ZNF98: variants seen among roughly 807,000 people sequenced by gnomAD.
ZNF98 encodes the protein zinc finger protein 98.
In ZNF98, 8 loss-of-function variants were observed where a neutral mutation model predicts 12.8. That is an observed-to-expected ratio of 0.63 (90% CI 0.37 to 1.13). The LOEUF (loss-of-function observed/expected upper bound fraction) is 1.13, where lower values mean the gene tolerates loss of function less well. ZNF98 is among the 50% of genes most tolerant of loss of function. ZNF98 has a pLI of 0.01. For missense variants in ZNF98, 379 were observed against 666.1 expected (o/e 0.57, Z 4.74); for synonymous variants, 112 against 223.5 (o/e 0.50, Z 4.45).
intron 1 of ZNF98, among the ~76,000 whole-genome samples, chr19:22,410,086 T>G (rs1969564785): frequency 6.6e-6 from 1 of 152,108 alleles, no homozygotes; most frequent in Middle Eastern, 3.2e-3. Context: ...TGGTAATTAT[T>G]AAAAAGTCAG....
chr19:22,421,150 C>T (rs77636093), intron 1 of ZNF98, among the ~76,000 whole-genome samples: 5,671 of 152,158 alleles, frequency 0.037, 362 homozygotes, highest in African/African-American at 0.13. Flanking sequence ...AAATTTAGGT[C>T]CTTCAAATGA....
chr19:22,418,596 T>G (rs1446091946), intron 1 of ZNF98, among the ~76,000 whole-genome samples: 1 of 152,204 alleles, frequency 6.6e-6, no homozygotes, highest in African/African-American at 2.4e-5. Flanking sequence ...AAAAATCAGC[T>G]GGCTGGGAGC....
At position 22,402,901 on chromosome 19, in the gene ZNF98, A is replaced by T; in HGVS notation, c.158-17T>A. Reference sequence around the variant, plus strand: ...CAGCAATACCTGTTTTATTACAAATAACATGAATCTTGCTCATATTCTCCA... The same window carrying T: ...CAGCAATACCTGTTTTATTACAAATTACATGAATCTTGCTCATATTCTCCA... On this transcript the variant is annotated splice_polypyrimidine_tract_variant and intron_variant, in intron 2 of 3. Transcript: ENST00000357774. The T allele has an allele frequency of 6.4e-7, 1 of 1,562,430 alleles. No individual in the cohort carries two copies. Among genetic ancestry groups the T allele is most frequent in the Middle Eastern group, 1.7e-4 (1 of 5,844 alleles).
At chr19:22,414,565 G>C (rs1969619103) in intron 1 of ZNF98, among the ~76,000 whole-genome samples, 1 of 152,034 alleles carries the variant, frequency 6.6e-6, no homozygotes, top group African/African-American at 2.4e-5. Flanking sequence ...CAACAGAATA[G>C]AGAGCCCATA....
At chr19:22,422,092 G>T in intron 1 of ZNF98, 103 bp downstream of exon 1, 1 of 1,425,718 alleles carries the variant, frequency 7.0e-7, no homozygotes, top group Non-Finnish European at 9.9e-7. Flanking sequence ...GGCACGGATT[G>T]TGGAGCTGAC....
intron 3 of ZNF98, among the ~76,000 whole-genome samples, chr19:22,396,400 A>C (rs1969394804): frequency 6.6e-6 from 1 of 152,188 alleles, no homozygotes; most frequent in Non-Finnish European, 1.5e-5. Flanking sequence ...AATATACAAA[A>C]GTGAATTAGA....
intron 3 of ZNF98, among the ~76,000 whole-genome samples, chr19:22,394,955 T>A (rs1162250458): frequency 6.6e-6 from 1 of 151,976 alleles, no homozygotes; most frequent in African/African-American, 2.4e-5. Flanking sequence ...GAGGATCAAC[T>A]GAGGTCCGGA....
At position 22,396,090 on chromosome 19, in the gene ZNF98, G is replaced by A. The variant is rs569920833; in HGVS notation, c.254-3109C>T. Among the ~76,000 whole-genome samples, 10 of 151,648 alleles carry A rather than the reference G, an allele frequency of 6.6e-5. No individual in the cohort carries two copies. In the South Asian group the frequency reaches 1.9e-3, roughly 28 times the overall value. On this transcript the variant is annotated intron_variant, in intron 3 of 3. Coordinates refer to ENST00000357774, the MANE Select transcript of ZNF98 (RefSeq NM_001098626.2). ...CATATAAAAATACATTATTTTCCAG[G>A]AAAGATATGCACATACATAAAAACA...
At chr19:22,399,076 CAATA>C (rs1969429283) in intron 3 of ZNF98, among the ~76,000 whole-genome samples, 1 of 152,032 alleles carries the variant, frequency 6.6e-6, no homozygotes, top group Admixed American at 6.6e-5. Flanking sequence ...CCAAAAAACA[CAATA>C]AACTTATGTT....
At chr19:22,416,666 C>A (rs11671470) in intron 1 of ZNF98, among the ~76,000 whole-genome samples, 1 of 151,332 alleles carries the variant, frequency 6.6e-6, no homozygotes, top group East Asian at 2.0e-4. Context: ...GCAGAAGAAT[C>A]GCTTGAACCC....
chr19:22,400,909 C>T (rs1424855516), intron 3 of ZNF98, among the ~76,000 whole-genome samples: 6 of 142,340 alleles, frequency 4.2e-5, no homozygotes, highest in South Asian at 2.2e-4. Context: ...GCCGAGGCCG[C>T]GCCACTGCAC....
chr19:22,403,175 C>T (rs1199330211), intron 2 of ZNF98, among the ~76,000 whole-genome samples: 1 of 148,838 alleles, frequency 6.7e-6, no homozygotes, highest in Non-Finnish European at 1.5e-5. Flanking sequence ...GAGTGAAGAA[C>T]ACAGATCAGC....
chr19:22,391,292 G>A lies in ZNF98; in HGVS notation c.*224C>T, dbSNP rs188420210. On this transcript the variant is annotated 3_prime_UTR_variant, in exon 4 of 4. Transcript: ENST00000357774. ...TAATGCTATTAAGTATAAATTCTCT[G>A]ATGCTGAATAAGATGTGTGCAGATA... is the stretch of plus-strand genomic sequence containing the variant. 2.2e-5 allele frequency: 20 copies of A among 903,068 alleles called. No individual in the cohort carries two copies. In the East Asian group the frequency reaches 5.2e-4, roughly 23 times the overall value. The allele number at this position is 903,068 out of a possible 1,614,324, so 55.9% of individuals were successfully genotyped here.
At chr19:22,414,461 G>A (rs1475930136) in intron 1 of ZNF98, among the ~76,000 whole-genome samples, 2 of 152,064 alleles carry the variant, frequency 1.3e-5, no homozygotes, top group Non-Finnish European at 2.9e-5. Context: ...GAACAAAGCT[G>A]AAGTCATTAC....
chr19:22,403,604 C>T (rs1386121221), intron 1 of ZNF98, 92 bp from the exon 2 acceptor site: 2 of 1,291,646 alleles, frequency 1.5e-6, no homozygotes, highest in African/African-American at 3.0e-5. Context: ...GTAAAGAGAA[C>T]TGGTTCTTAC....
intron 3 of ZNF98, among the ~76,000 whole-genome samples, chr19:22,402,228 G>A (rs1969467768): frequency 8.4e-6 from 1 of 118,442 alleles, no homozygotes; most frequent in Admixed American, 8.6e-5. Flanking sequence ...TTCTCACATA[G>A]ACTTACAATA....
intron 3 of ZNF98, among the ~76,000 whole-genome samples, chr19:22,393,417 G>A (rs1969355112): frequency 6.6e-6 from 1 of 152,022 alleles, no homozygotes; most frequent in Admixed American, 6.6e-5. Context: ...AGTTCTGAAA[G>A]AAATAGTGGT....
chr19:22,413,054 A>C (rs1297065979), intron 1 of ZNF98, among the ~76,000 whole-genome samples: 1 of 150,556 alleles, frequency 6.6e-6, no homozygotes, highest in Non-Finnish European at 1.5e-5. Flanking sequence ...CTCCGTCTCA[A>C]AAAAATAAAA....
chr19:22,414,232 C>CAAAAAAAAAAAAAAAAA (rs57966582), intron 1 of ZNF98, among the ~76,000 whole-genome samples: 3 of 89,388 alleles, frequency 3.4e-5, no homozygotes, highest in Non-Finnish European at 5.9e-5. Flanking sequence ...GACTCCATCT[C>CAAAAAAAAAAAAAAAAA]AAAAAAAAAA....
Sources: gnomAD v4.1 joint callset for allele counts (sites outside exome capture counted in the v4.1 genomes callset) on GRCh38, gnomAD v4.1.1 for gene constraint, MANE v1.5 for transcripts, NCBI Gene and HGNC (gene_info 2026-07-23, HGNC 2026-07-21) for gene names.